SBF2: variants seen among roughly 807,000 people sequenced by gnomAD.
SBF2 encodes the protein SET binding factor 2, also known as myotubularin-related protein 13.
A neutral mutation model predicts 225.2 loss-of-function variants in SBF2; 112 were observed. The observed-to-expected ratio is 0.50, with a 90% CI of 0.43 to 0.58. The LOEUF is 0.58. Ranked by LOEUF, SBF2 falls within the 20% of genes least tolerant of loss-of-function variation. The pLI is 0.00. For synonymous variants in SBF2, 763 were observed against 773.3 expected (o/e 0.99, Z 0.22); for missense variants, 1,996 against 2,206.2 (o/e 0.90, Z 1.91).
At chr11:10,253,118 C>CAAAAA (rs546522229) in intron 1 of SBF2, among the ~76,000 whole-genome samples, 59 of 77,242 alleles carry the variant, frequency 7.6e-4, no homozygotes, top group Non-Finnish European at 1.1e-3. Context: ...AGGTAAATAC[C>CAAAAA]AAAAAAAAAA....
intron 26 of SBF2, among the ~76,000 whole-genome samples, chr11:9,833,048 G>A (rs890444782): frequency 2.0e-5 from 3 of 152,188 alleles, no homozygotes; most frequent in Non-Finnish European, 4.4e-5. Context: ...AAGTCAAATT[G>A]TAAACAATTC....
intron 1 of SBF2, among the ~76,000 whole-genome samples, chr11:10,208,478 C>T (rs1957820205): frequency 6.6e-6 from 1 of 151,878 alleles, no homozygotes; most frequent in African/African-American, 2.4e-5. Context: ...ATGAACCAAA[C>T]TGAAAATTTA....
chr11:10,006,174 G>A (rs1288498511), intron 6 of SBF2, among the ~76,000 whole-genome samples: 1 of 152,144 alleles, frequency 6.6e-6, no homozygotes, highest in Admixed American at 6.5e-5. Context: ...CCACCTCGAG[G>A]CAAGTCAGCC....
intron 2 of SBF2, among the ~76,000 whole-genome samples, chr11:10,163,658 T>A (rs1450515720): frequency 6.6e-6 from 1 of 152,152 alleles, no homozygotes; most frequent in African/African-American, 2.4e-5. Context: ...ATCAATCACA[T>A]TTCCTATTCA....
At chr11:10,285,758 G>A (rs1161599528) in intron 1 of SBF2, among the ~76,000 whole-genome samples, 1 of 152,126 alleles carries the variant, frequency 6.6e-6, no homozygotes, top group Non-Finnish European at 1.5e-5. Context: ...CAATAAATCT[G>A]TAATTTTCTG....
intron 1 of SBF2, among the ~76,000 whole-genome samples, chr11:10,292,306 C>T: frequency 6.6e-6 from 1 of 152,200 alleles, no homozygotes; most frequent in East Asian, 1.9e-4. Flanking sequence ...GGCATCAGGT[C>T]AACAGCTTCC....
chr11:10,125,152 T>A (rs1424741402), intron 2 of SBF2, among the ~76,000 whole-genome samples: 1 of 150,578 alleles, frequency 6.6e-6, no homozygotes, highest in African/African-American at 2.4e-5. Context: ...TTACCATGAA[T>A]AGTATGATTA....
chr11:10,217,587 A>G (rs958840587), intron 1 of SBF2, among the ~76,000 whole-genome samples: 2 of 152,130 alleles, frequency 1.3e-5, no homozygotes, highest in Admixed American at 1.3e-4. Flanking sequence ...TATCATTGCT[A>G]TAAAATCACA....
At chr11:10,187,833 A>G (rs34858937) in intron 2 of SBF2, among the ~76,000 whole-genome samples, 1,622 of 152,334 alleles carry the variant, frequency 0.011, 35 homozygotes, top group African/African-American at 0.037. Flanking sequence ...ACCTTAACCA[A>G]TTCAGAAAAA....
chr11:9,920,516 A>C (rs1434502360), intron 16 of SBF2, among the ~76,000 whole-genome samples: 1 of 152,166 alleles, frequency 6.6e-6, no homozygotes, highest in African/African-American at 2.4e-5. Context: ...TGTCTTTCAG[A>C]ACATATACTT....
chr11:10,155,802 T>C (rs1955447314), intron 2 of SBF2, among the ~76,000 whole-genome samples: 2 of 152,276 alleles, frequency 1.3e-5, no homozygotes, highest in Non-Finnish European at 2.9e-5. Context: ...CTTTATACTA[T>C]TTGTATCTTT....
intron 16 of SBF2, chr11:9,957,417 G>GC (rs1362331624): frequency 6.6e-6 from 1 of 151,846 alleles, no homozygotes; most frequent in Non-Finnish European, 1.5e-5. Context: ...TTCTCCCTTA[G>GC]CAAAACACAC....
chr11:10,052,158 G>GAA (rs35584969), intron 2 of SBF2, among the ~76,000 whole-genome samples: 20 of 147,476 alleles, frequency 1.4e-4, no homozygotes, highest in Non-Finnish European at 2.0e-4. Context: ...AGGCAAACAG[G>GAA]AAAAAAAAAA....
Position 10,224,774 on chromosome 11 carries a change from A to G in SBF2, c.56-30787T>C, listed in dbSNP as rs114601257. Among the ~76,000 whole-genome samples the G allele has an allele frequency of 8.7e-3, 1,324 of 152,184 alleles. 19 individuals are homozygous for G. Among genetic ancestry groups the G allele is most frequent in the African/African-American group, 0.03 (1,239 of 41,510 alleles). ...AATAGATTTTCCATTATCTAACACT[A>G]TATTTTCCCTTTATAGTACTTGTCA... On this transcript the variant is annotated intron_variant, in intron 1 of 39. Transcript: ENST00000256190.
chr11:10,167,014 A>G (rs950839838), intron 2 of SBF2, among the ~76,000 whole-genome samples: 1 of 148,544 alleles, frequency 6.7e-6, no homozygotes, highest in Non-Finnish European at 1.5e-5. Flanking sequence ...TGAAAAGTTC[A>G]GTACCAGTTA....
At chr11:9,781,692 T>C in intron 38 of SBF2, 54 bp from the exon 39 acceptor site, 1 of 1,610,388 alleles carries the variant, frequency 6.2e-7, no homozygotes, top group East Asian at 2.2e-5. Context: ...GAAAATGCCA[T>C]GGCTTTTCAA....
At chr11:10,176,444 C>CAAGA (rs1381051466) in intron 2 of SBF2, among the ~76,000 whole-genome samples, 1 of 151,164 alleles carries the variant, frequency 6.6e-6, no homozygotes, top group Non-Finnish European at 1.5e-5. Flanking sequence ...AGACCACTAG[C>CAAGA]AAGACTAATA....
intron 25 of SBF2, among the ~76,000 whole-genome samples, chr11:9,840,273 C>A (rs1856037488): frequency 7.0e-6 from 1 of 143,830 alleles, no homozygotes; most frequent in Non-Finnish European, 1.6e-5. Context: ...AAAAACAAAC[C>A]CGCTACTTTT....
chr11:9,780,867 G>T (rs1851959671), intron 39 of SBF2: 6 of 341,562 alleles, frequency 1.8e-5, no homozygotes, highest in South Asian at 1.5e-4. Context: ...GGAGCTCCTT[G>T]TGCTCCAGGG....
Sources: allele counts gnomAD v4.1 joint callset (sites outside exome capture counted in the v4.1 genomes callset), GRCh38; gene constraint gnomAD v4.1.1; transcripts MANE v1.5; gene names NCBI Gene and HGNC (gene_info 2026-07-23, HGNC 2026-07-21).